AKAP13: variants seen among roughly 807,000 people sequenced by gnomAD.
AKAP13 encodes A-kinase anchoring protein 13, also known as A-kinase anchor protein 13.
In AKAP13, 80 loss-of-function variants were observed where a neutral mutation model predicts 264.5. That is an observed-to-expected ratio of 0.30 (90% CI 0.25 to 0.36). The LOEUF (loss-of-function observed/expected upper bound fraction) is 0.36. Ranked by LOEUF, AKAP13 falls within the 10% of genes least tolerant of loss-of-function variation. The pLI, the probability that AKAP13 is intolerant of heterozygous loss-of-function variation, is 1.00. For synonymous variants in AKAP13, 1,380 were observed against 1,250.2 expected (o/e 1.10, Z -2.19); for missense variants, 3,712 against 3,435.2 (o/e 1.08, Z -2.01).
At chr15:85,443,931 GT>G (rs2073807164) in intron 1 of AKAP13, among the ~76,000 whole-genome samples, 2 of 152,128 alleles carry the variant, frequency 1.3e-5, no homozygotes, top group Non-Finnish European at 2.9e-5. Flanking sequence ...ATTCTAATCT[GT>G]TGTTTATTTT....
At chr15:85,491,625 G>A (rs1367268948) in intron 2 of AKAP13, among the ~76,000 whole-genome samples, 1 of 150,504 alleles carries the variant, frequency 6.6e-6, no homozygotes, top group African/African-American at 2.4e-5. Flanking sequence ...TTTCATGGCT[G>A]GATTGCTTTT....
chr15:85,706,178 G>A (rs1239184811), intron 17 of AKAP13, among the ~76,000 whole-genome samples: 2 of 152,128 alleles, frequency 1.3e-5, no homozygotes, highest in Non-Finnish European at 2.9e-5. Flanking sequence ...GCATGGGAAG[G>A]ATATGATGGA....
At chr15:85,526,592 A>G (rs1020206635) in intron 3 of AKAP13, among the ~76,000 whole-genome samples, 4 of 152,156 alleles carry the variant, frequency 2.6e-5, no homozygotes, top group African/African-American at 9.7e-5. Flanking sequence ...TCGTCAACCA[A>G]GAATTACTTT....
intron 1 of AKAP13, among the ~76,000 whole-genome samples, chr15:85,461,393 G>A (rs2074507063): frequency 6.6e-6 from 1 of 152,208 alleles, no homozygotes; most frequent in Non-Finnish European, 1.5e-5. Context: ...TGGGATTACA[G>A]GTGTGAGCCA....
chr15:85,622,535 CAG>C (rs2081242638), intron 8 of AKAP13, among the ~76,000 whole-genome samples: 1 of 152,140 alleles, frequency 6.6e-6, no homozygotes, highest in African/African-American at 2.4e-5. Flanking sequence ...CCTTACCTCT[CAG>C]TGTACGTGTT....
intron 1 of AKAP13, among the ~76,000 whole-genome samples, chr15:85,419,935 GTTTTTTTTTTT>G (rs11452064): frequency 7.7e-5 from 6 of 77,986 alleles, no homozygotes; most frequent in South Asian, 9.9e-4. Context: ...TCTGACTCTT[GTTTTTTTTTTT>G]TTTTTTTTTT....
intron 1 of AKAP13, among the ~76,000 whole-genome samples, chr15:85,477,746 A>G (rs534140156): frequency 1.3e-5 from 2 of 151,460 alleles, no homozygotes; most frequent in Non-Finnish European, 2.9e-5. Flanking sequence ...TTTCCCTTGT[A>G]TAATGGCTGA....
chr15:85,415,367 T>A, intron 1 of AKAP13: 11 of 1,592,250 alleles, frequency 6.9e-6, no homozygotes, highest in Non-Finnish European at 9.5e-6. Flanking sequence ...TCATCACTTG[T>A]GATGGCAAAA....
intron 1 of AKAP13, among the ~76,000 whole-genome samples, chr15:85,446,764 G>T (rs1156271830): frequency 6.9e-6 from 1 of 144,204 alleles, no homozygotes; most frequent in East Asian, 2.0e-4. Flanking sequence ...AGGCTTTCCA[G>T]CCCTTCTTAA....
At chr15:85,511,493 C>G (rs1298442460) in intron 2 of AKAP13, among the ~76,000 whole-genome samples, 2 of 152,190 alleles carry the variant, frequency 1.3e-5, no homozygotes, top group Non-Finnish European at 2.9e-5. Context: ...ACTTAAGATT[C>G]AAAGCCCCAT....
chr15:85,690,903 T>C (rs1455959912), intron 16 of AKAP13, among the ~76,000 whole-genome samples: 1 of 152,246 alleles, frequency 6.6e-6, no homozygotes, highest in African/African-American at 2.4e-5. Context: ...TCTTCAGATG[T>C]AAAATGGAGA....
At chr15:85,531,476 T>A (rs2077240422) in intron 3 of AKAP13, among the ~76,000 whole-genome samples, 1 of 152,232 alleles carries the variant, frequency 6.6e-6, no homozygotes, top group Non-Finnish European at 1.5e-5. Context: ...TAGAGAATAT[T>A]TTAAAAGAAA....
At chr15:85,689,958 T>C (rs1310122453) in intron 16 of AKAP13, 1 of 152,262 alleles carries the variant, frequency 6.6e-6, no homozygotes. Flanking sequence ...AGCTCAAAGC[T>C]GCTGAGCTCT....
chr15:85,733,873 C>CTTTTTTTTTTTTTTTTTTTT (rs72092500), intron 30 of AKAP13, among the ~76,000 whole-genome samples: 104 of 82,568 alleles, frequency 1.3e-3, no homozygotes, highest in South Asian at 1.6e-3. Flanking sequence ...TCTTTCTTTT[C>CTTTTTTTTTTTTTTTTTTTT]TTTTTTTTTT....
chr15:85,434,787 A>G (rs2073197067), intron 1 of AKAP13, among the ~76,000 whole-genome samples: 2 of 151,148 alleles, frequency 1.3e-5, no homozygotes, highest in Non-Finnish European at 3.0e-5. Flanking sequence ...AAACTAACAA[A>G]CAGAAAGGAC....
intron 8 of AKAP13, among the ~76,000 whole-genome samples, chr15:85,629,021 C>A (rs549741423): frequency 1.6e-4 from 24 of 152,150 alleles, no homozygotes; most frequent in Middle Eastern, 6.8e-3. Flanking sequence ...TGTGAGACCC[C>A]TGCCTCTCCA....
intron 6 of AKAP13, among the ~76,000 whole-genome samples, chr15:85,576,651 G>A (rs1359652188): frequency 6.6e-6 from 1 of 152,144 alleles, no homozygotes; most frequent in Admixed American, 6.5e-5. Flanking sequence ...GCTTCTTTGG[G>A]AGCATGCATT....
rs950778002 is a variant in AKAP13, at chr15:85,410,348, C to G, written c.-12+29550C>G. ...TCATGCCCTTCTTGTCGACTTTCAC[C>G]TGGGTCATGAGAATGGCTTCAAAAT... On this transcript the variant is annotated intron_variant, in intron 1 of 36. Coordinates refer to ENST00000394518, the MANE Select transcript of AKAP13 (RefSeq NM_007200.5). Among the ~76,000 whole-genome samples the G allele has an allele frequency of 2.0e-5, 3 of 151,572 alleles. No individual in the cohort carries two copies. The East Asian group carries it at 5.8e-4, about 29-fold the overall frequency.
At chr15:85,538,759 G>T (rs1258897870) in intron 4 of AKAP13, among the ~76,000 whole-genome samples, 3 of 145,702 alleles carry the variant, frequency 2.1e-5, no homozygotes, top group Non-Finnish European at 4.5e-5. Context: ...AAAGTGCTGG[G>T]ATTACAGGCT....
Sources: gnomAD v4.1 joint callset for allele counts (sites outside exome capture counted in the v4.1 genomes callset) on GRCh38, gnomAD v4.1.1 for gene constraint, MANE v1.5 for transcripts, NCBI Gene and HGNC (gene_info 2026-07-23, HGNC 2026-07-21) for gene names.